Variants in FAT3 observed in about 807,000 individuals in gnomAD.
FAT3 encodes the protein FAT atypical cadherin 3, also known as protocadherin Fat 3.
A neutral mutation model predicts 310.2 loss-of-function variants in FAT3; 95 were observed. That is an observed-to-expected ratio of 0.31 (90% CI 0.26 to 0.36). The LOEUF (loss-of-function observed/expected upper bound fraction) is 0.36, where lower values mean the gene tolerates loss of function less well. Ranked by LOEUF, FAT3 falls within the 10% of genes least tolerant of loss-of-function variation. FAT3 has a pLI of 1.00. For missense variants in FAT3, 5,408 were observed against 5,715.6 expected (o/e 0.95, Z 1.74); for synonymous variants, 2,314 against 2,192.9 (o/e 1.06, Z -1.54).
intron 1 of FAT3, among the ~76,000 whole-genome samples, chr11:92,299,639 C>G (rs151210495): frequency 6.6e-6 from 1 of 152,090 alleles, no homozygotes; most frequent in Admixed American, 6.6e-5. Context: ...TTGACAATCA[C>G]AGCAGGAAAC....
At chr11:92,315,475 GTGTGTATATATATA>G (rs1487493249) in intron 1 of FAT3, among the ~76,000 whole-genome samples, 7 of 76,660 alleles carry the variant, frequency 9.1e-5, no homozygotes, top group East Asian at 7.7e-4. Context: ...GTGTGTGTGT[GTGTGTATATATATA>G]TATATATATA....
chr11:92,418,435 C>G (rs1192440374), intron 2 of FAT3, among the ~76,000 whole-genome samples: 1 of 106,522 alleles, frequency 9.4e-6, no homozygotes, highest in African/African-American at 3.6e-5. Flanking sequence ...CCCACCCCCC[C>G]ACACACACAC....
At chr11:92,783,449 GATAAA>G (rs1343682913) in intron 7 of FAT3, among the ~76,000 whole-genome samples, 2 of 141,996 alleles carry the variant, frequency 1.4e-5, no homozygotes, top group Non-Finnish European at 3.0e-5. Flanking sequence ...AATGTATATA[GATAAA>G]ATAAGGCAGC....
At chr11:92,618,814 T>C (rs1940944252) in intron 3 of FAT3, among the ~76,000 whole-genome samples, 1 of 152,200 alleles carries the variant, frequency 6.6e-6, no homozygotes, top group African/African-American at 2.4e-5. Context: ...AGTTTTTCCT[T>C]TCCAACTTGA....
intron 2 of FAT3, among the ~76,000 whole-genome samples, chr11:92,501,002 C>T (rs1166960817): frequency 6.6e-6 from 1 of 151,992 alleles, no homozygotes; most frequent in Non-Finnish European, 1.5e-5. Context: ...AGATCGATTT[C>T]CCCCTTACAT....
In FAT3 at chr11:92,473,079, C is replaced by T. The variant is rs1185446962; in HGVS notation, c.3293-51555C>T. On this transcript the variant is annotated intron_variant, in intron 2 of 27. Coordinates refer to ENST00000525166, the MANE Select transcript of FAT3 (RefSeq NM_001367949.2). ...TCTGGGAAAAGTCTCCACTGAGCTGCAGCCTCCCGTATGCTCCTGTGCCTC... is the reference window on the plus strand; with the variant it reads ...TCTGGGAAAAGTCTCCACTGAGCTGTAGCCTCCCGTATGCTCCTGTGCCTC... 2.0e-5 allele frequency among the ~76,000 whole-genome samples: 3 copies of T among 152,172 alleles called. No homozygotes were observed. The East Asian group carries it at 5.8e-4, about 29-fold the overall frequency.
intron 3 of FAT3, among the ~76,000 whole-genome samples, chr11:92,657,360 C>T (rs1038489232): frequency 6.6e-6 from 1 of 152,096 alleles, no homozygotes; most frequent in Non-Finnish European, 1.5e-5. Context: ...GCTTCCTGGG[C>T]AATAATTTTG....
intron 3 of FAT3, among the ~76,000 whole-genome samples, chr11:92,679,803 C>T (rs1384248725): frequency 2.3e-5 from 3 of 129,012 alleles, no homozygotes; most frequent in African/African-American, 9.1e-5. Context: ...GATTGTGCCA[C>T]TACACTCCAG....
intron 7 of FAT3, among the ~76,000 whole-genome samples, chr11:92,781,358 C>T (rs1361771860): frequency 6.6e-6 from 1 of 151,848 alleles, no homozygotes; most frequent in Non-Finnish European, 1.5e-5. Flanking sequence ...GCCACCGCGC[C>T]CGGCCATAAG....
At chr11:92,548,932 G>C (rs529962650) in intron 3 of FAT3, among the ~76,000 whole-genome samples, 1 of 152,300 alleles carries the variant, frequency 6.6e-6, no homozygotes, top group Non-Finnish European at 1.5e-5. Context: ...TTGGCCAACA[G>C]TGTCAACCAT....
chr11:92,418,561 A>T (rs181104411), intron 2 of FAT3, among the ~76,000 whole-genome samples: 1 of 151,790 alleles, frequency 6.6e-6, no homozygotes, highest in Admixed American at 6.6e-5. Flanking sequence ...AGTCATCAGA[A>T]GGCTATGAGC....
At chr11:92,412,771 A>ACACACACAT (rs1591253099) in intron 2 of FAT3, among the ~76,000 whole-genome samples, 3 of 134,594 alleles carry the variant, frequency 2.2e-5, no homozygotes, top group Admixed American at 7.7e-5. Context: ...ATATATATTT[A>ACACACACAT]ATGTAAGACT....
intron 4 of FAT3, among the ~76,000 whole-genome samples, chr11:92,717,440 A>C (rs1176845853): frequency 1.3e-5 from 2 of 152,140 alleles, no homozygotes; most frequent in African/African-American, 4.8e-5. Flanking sequence ...TCTGTCAGGA[A>C]GCTCATCATG....
rs142229402 is a variant in FAT3 at position 92,659,530 on chromosome 11, C to T, written c.3608-37854C>T. ...GCATGCTCACAAATATTATCTTACA[C>T]CTTTTCTCACACTTCTTCATAATTA... On this transcript the variant is annotated intron_variant, in intron 3 of 27. Transcript: ENST00000525166. Among the ~76,000 whole-genome samples, 5 of 152,254 alleles carry T rather than the reference C, an allele frequency of 3.3e-5. No homozygotes were observed. The East Asian group carries it at 9.7e-4, about 29-fold the overall frequency.
chr11:92,442,434 T>C (rs1192630636), intron 2 of FAT3, among the ~76,000 whole-genome samples: 1 of 151,370 alleles, frequency 6.6e-6, no homozygotes, highest in Non-Finnish European at 1.5e-5. Flanking sequence ...TTGAGCATGG[T>C]ATTCAGATTT....
intron 1 of FAT3, among the ~76,000 whole-genome samples, chr11:92,319,140 G>A (rs1270477274): frequency 6.6e-6 from 1 of 152,148 alleles, no homozygotes; most frequent in Non-Finnish European, 1.5e-5. Flanking sequence ...AAGGCACTGG[G>A]CAATAAAATG....
chr11:92,497,642 A>G (rs1952803930), intron 2 of FAT3, among the ~76,000 whole-genome samples: 1 of 152,042 alleles, frequency 6.6e-6, no homozygotes. Context: ...ACATCATCTG[A>G]TAATTATTGA....
intron 14 of FAT3, among the ~76,000 whole-genome samples, chr11:92,834,478 T>A (rs772676068): frequency 1.3e-5 from 2 of 152,322 alleles, no homozygotes; most frequent in East Asian, 3.9e-4. Context: ...TACCATCACA[T>A]CCCCAAATCT....
intron 2 of FAT3, among the ~76,000 whole-genome samples, chr11:92,407,888 G>A (rs1219359035): frequency 2.6e-5 from 4 of 152,120 alleles, no homozygotes; most frequent in Admixed American, 2.6e-4. Flanking sequence ...AATAAAAGAC[G>A]AGGAGGATCA....
Sources: gnomAD v4.1 joint callset for allele counts (sites outside exome capture counted in the v4.1 genomes callset) on GRCh38, gnomAD v4.1.1 for gene constraint, MANE v1.5 for transcripts, NCBI Gene and HGNC (gene_info 2026-07-23, HGNC 2026-07-21) for gene names.